Variants in DOCK8 observed in about 807,000 individuals in gnomAD.
DOCK8 encodes dedicator of cytokinesis protein 8.
A neutral mutation model predicts 245.6 loss-of-function variants in DOCK8; 141 were observed. The observed-to-expected ratio is 0.57, with a 90% CI of 0.50 to 0.66. The LOEUF (loss-of-function observed/expected upper bound fraction) is 0.66, where lower values mean the gene tolerates loss of function less well. Ranked by LOEUF, DOCK8 falls within the 30% of genes least tolerant of loss-of-function variation. The pLI, the probability that DOCK8 is intolerant of heterozygous loss-of-function variation, is 0.00. For synonymous variants in DOCK8, 1,168 were observed against 970.2 expected (o/e 1.20, Z -3.79); for missense variants, 2,965 against 2,603.4 (o/e 1.14, Z -3.02).
upstream of DOCK8, chr9:214,719 C>T (rs115610637): frequency 0.036 from 55,276 of 1,538,384 alleles, 1,158 homozygotes; most frequent in Middle Eastern, 0.06. Flanking sequence ...AGGCCAGTTC[C>T]GCGCTGGGCC....
At chr9:371,716 T>A in intron 17 of DOCK8, 150 bp downstream of exon 17, 1 of 1,112,896 alleles carries the variant, frequency 9.0e-7, no homozygotes, top group Non-Finnish European at 1.3e-6. Context: ...GAGGCAGAAA[T>A]GATTTGCCTT....
chr9:261,719 G>A (rs1349905952), intron 1 of DOCK8, among the ~76,000 whole-genome samples: 3 of 152,090 alleles, frequency 2.0e-5, no homozygotes. Flanking sequence ...AGTTGTGGAT[G>A]TAATATTTTT....
At chr9:393,356 C>A (rs893028506) in intron 24 of DOCK8, among the ~76,000 whole-genome samples, 1 of 152,104 alleles carries the variant, frequency 6.6e-6, no homozygotes, top group Non-Finnish European at 1.5e-5. Context: ...AAAGAATAAT[C>A]ACATCAAAAC....
chr9:384,289 C>T (rs992507472), intron 22 of DOCK8, among the ~76,000 whole-genome samples: 8 of 152,260 alleles, frequency 5.3e-5, no homozygotes, highest in Admixed American at 5.2e-4. Context: ...ACAAAGCTAC[C>T]ACGATGAATT....
chr9:365,841 G>T (rs1313636032), intron 14 of DOCK8: 13 of 358,784 alleles, frequency 3.6e-5, no homozygotes, highest in African/African-American at 2.4e-4. Flanking sequence ...GCAGAGAGGG[G>T]TCTGTACCCC....
intron 39 of DOCK8, among the ~76,000 whole-genome samples, chr9:438,329 T>C (rs1014054520): frequency 1.3e-5 from 2 of 152,234 alleles, no homozygotes; most frequent in Non-Finnish European, 2.9e-5. Context: ...TACAGTTGAT[T>C]AGTTATGCCT....
intron 13 of DOCK8, among the ~76,000 whole-genome samples, chr9:339,765 C>T (rs866828366): frequency 2.4e-4 from 37 of 152,292 alleles, no homozygotes; most frequent in East Asian, 1.5e-3. Context: ...CCACCTGCCT[C>T]GGCCTCCCAG....
chr9:216,558 A>G (rs535568363), intron 1 of DOCK8, among the ~76,000 whole-genome samples: 5 of 150,646 alleles, frequency 3.3e-5, no homozygotes, highest in Non-Finnish European at 7.4e-5. Flanking sequence ...AAAAAAAAGC[A>G]AAAACAAGGC....
At position 462,171 on chromosome 9, in the gene DOCK8, C is replaced by T. The variant is rs190588691; in HGVS notation, c.6069-1346C>T. ...TTTTTTATTGTGAGCTCATCTTTGG[C>T]GAGAGTGGCTCATATGCCCTGATTG... On this transcript the variant is annotated intron_variant, in intron 46 of 47. Coordinates refer to ENST00000432829, the MANE Select transcript of DOCK8 (RefSeq NM_203447.4). 6.3e-4 allele frequency among the ~76,000 whole-genome samples: 96 copies of T among 152,154 alleles called. No individual in the cohort carries two copies. In the East Asian group the frequency reaches 0.017, roughly 27 times the overall value.
At chr9:263,503 A>T (rs2047968783) in intron 1 of DOCK8, among the ~76,000 whole-genome samples, 1 of 152,138 alleles carries the variant, frequency 6.6e-6, no homozygotes, top group African/African-American at 2.4e-5. Context: ...TATATTGCAC[A>T]GTCACTATCA....
intron 14 of DOCK8, among the ~76,000 whole-genome samples, chr9:343,813 G>A (rs1311638269): frequency 6.6e-6 from 1 of 152,218 alleles, no homozygotes; most frequent in Admixed American, 6.5e-5. Context: ...GGGAAACAAT[G>A]CTTGTGGCAT....
chr9:332,648 C>CTTT (rs35539095), intron 10 of DOCK8, among the ~76,000 whole-genome samples, 170 bp downstream of exon 10: 1 of 63,958 alleles, frequency 1.6e-5, no homozygotes, highest in Admixed American at 2.0e-4. Flanking sequence ...CCGATGATGA[C>CTTT]TTTTTTTTTT....
Position 446,758 on chromosome 9 carries a change from T to C in DOCK8, c.5817+152T>C, listed in dbSNP as rs192468794. The C allele has an allele frequency of 1.4e-3, 1,037 of 716,590 alleles. 2 individuals carry two copies. Among genetic ancestry groups the C allele is most frequent in the Non-Finnish European group, 1.9e-3 (774 of 403,826 alleles). 44.4% of individuals were successfully genotyped at this position (716,590 alleles called of 1,614,324 possible). A position where few individuals can be genotyped will look rare whatever the true frequency, so the allele number is the denominator to read the frequency against. On this transcript the variant is annotated intron_variant, in intron 44 of 47. Coordinates refer to ENST00000432829, the MANE Select transcript of DOCK8 (RefSeq NM_203447.4). ...TATGGTTGTCCTTTCACTCTCATAG[T>C]GCCAGAAAATCCCATTTAGGCAGCT...
Position 214,993 on chromosome 9 carries a change from G to T in DOCK8, c.17G>T (p.Ser6Ile), listed in dbSNP as rs756971694. 1.3e-6 allele frequency: 2 copies of T among 1,597,784 alleles called. No homozygotes were observed. The highest frequency in any genetic ancestry group is 1.4e-5 in the African/African-American group (1 of 73,186). The change falls in exon 1 of 48, where the codon AGC (serine) becomes ATC (isoleucine). Residue 6 changes from serine to isoleucine, a missense_variant. By Grantham distance (142) the Ser-to-Ile change is moderately radical. Around this residue, in one of 3 missense-constraint regions of DOCK8, gnomAD observed 2,825 missense variants for 2,453.5 expected, o/e 1.15. Coordinates refer to ENST00000432829, the MANE Select transcript of DOCK8 (RefSeq NM_203447.4). MATLPSAERRAFALKI... is the reference protein window; with the variant it reads MATLPIAERRAFALKI... Reference sequence around the variant, plus strand: ...CGGCGGGCCATGGCCACTCTGCCGAGCGCAGAGCGCCGCGCGTTCGCGCTC... The same window carrying T: ...CGGCGGGCCATGGCCACTCTGCCGATCGCAGAGCGCCGCGCGTTCGCGCTC...
intron 13 of DOCK8, among the ~76,000 whole-genome samples, chr9:339,353 G>T (rs996943299): frequency 6.6e-6 from 1 of 152,168 alleles, no homozygotes; most frequent in African/African-American, 2.4e-5. Flanking sequence ...TGAGATAATT[G>T]TTTAAACAGA....
At chr9:371,327 C>T (rs1283883483) in intron 16 of DOCK8, 101 bp from the exon 17 acceptor site, 7 of 1,429,852 alleles carry the variant, frequency 4.9e-6, no homozygotes, top group Non-Finnish European at 9.8e-7. Flanking sequence ...AAGCAAAACA[C>T]CAGGCAAATT....
intron 14 of DOCK8, among the ~76,000 whole-genome samples, chr9:347,783 C>T (rs967313228): frequency 7.2e-5 from 11 of 152,116 alleles, no homozygotes; most frequent in African/African-American, 2.7e-4. Context: ...TGCTCCAAAA[C>T]TCAGCAATCC....
chr9:464,494 A>G lies in DOCK8; in HGVS notation c.*275A>G, dbSNP rs1189308306. The G allele has an allele frequency of 1.9e-6, 1 of 527,634 alleles. No homozygotes were observed. Among genetic ancestry groups the G allele is most frequent in the East Asian group, 3.4e-5 (1 of 29,624 alleles). The allele number at this position is 527,634 out of a possible 1,614,324, so 32.7% of individuals were successfully genotyped here. On this transcript the variant is annotated 3_prime_UTR_variant, in exon 48 of 48. Transcript: ENST00000432829. Reference sequence around the variant, plus strand: ...TGTGTTTTTCCACAATGTACCAAACAAGGCATAAGCAGCTTCTCCTGCTGA... The same window carrying G: ...TGTGTTTTTCCACAATGTACCAAACGAGGCATAAGCAGCTTCTCCTGCTGA...
At chr9:421,171 C>G (rs2056262106) in intron 32 of DOCK8, 93 bp downstream of exon 32, 2 of 1,534,652 alleles carry the variant, frequency 1.3e-6, no homozygotes, top group South Asian at 2.2e-5. Context: ...GACACCATTA[C>G]TTTCTTGAGA....
Sources: allele counts gnomAD v4.1 joint callset (sites outside exome capture counted in the v4.1 genomes callset), GRCh38; gene constraint gnomAD v4.1.1; regional missense constraint gnomAD v4.1.1; transcripts MANE v1.5; gene names NCBI Gene and HGNC (gene_info 2026-07-23, HGNC 2026-07-21).